The following NLN variants were observed in gnomAD, a reference collection of about 807,000 sequenced individuals.
The protein encoded by NLN is neurolysin, mitochondrial.
In NLN, 64 loss-of-function variants were observed where a neutral mutation model predicts 79.9. That is an observed-to-expected ratio of 0.80 (90% CI 0.65 to 0.99). The LOEUF is 0.99. NLN is among the 50% of genes least tolerant of loss of function. NLN has a pLI of 0.00. For missense variants in NLN, 835 were observed against 858.7 expected (o/e 0.97, Z 0.34); for synonymous variants, 267 against 296.6 (o/e 0.90, Z 1.02).
At chr5:65,740,485 G>A (rs966714747) in intron 1 of NLN, among the ~76,000 whole-genome samples, 3 of 152,108 alleles carry the variant, frequency 2.0e-5, no homozygotes, top group Non-Finnish European at 2.9e-5. Context: ...TTCAAAATGA[G>A]TTTCAAAGGG....
intron 8 of NLN, among the ~76,000 whole-genome samples, chr5:65,788,716 A>G (rs1424047879): frequency 3.3e-5 from 5 of 152,188 alleles, no homozygotes; most frequent in African/African-American, 1.2e-4. Context: ...TCATGCCTGT[A>G]GTCCCAGCAC....
At chr5:65,729,675 A>C (rs1304123719) in intron 1 of NLN, among the ~76,000 whole-genome samples, 1 of 152,148 alleles carries the variant, frequency 6.6e-6, no homozygotes, top group African/African-American at 2.4e-5. Context: ...TGCTCCGCCG[A>C]GGATTGATTT....
intron 1 of NLN, among the ~76,000 whole-genome samples, chr5:65,725,609 G>T (rs544482061): frequency 6.6e-6 from 1 of 152,164 alleles, no homozygotes; most frequent in South Asian, 2.1e-4. Context: ...TCAAGTATTG[G>T]GAAGCTGTCA....
intron 1 of NLN, among the ~76,000 whole-genome samples, chr5:65,724,933 CTGG>C (rs1758430058): frequency 6.6e-6 from 1 of 151,696 alleles, no homozygotes; most frequent in African/African-American, 2.4e-5. Context: ...TCCCAAGTAG[CTGG>C]GACTACAGGC....
At position 65,824,299 on chromosome 5, in the gene NLN, C is replaced by T. The variant is rs1273931403; in HGVS notation, c.*1384C>T. On this transcript the variant is annotated 3_prime_UTR_variant, in exon 13 of 13. Transcript: ENST00000380985. The stretch of plus-strand genomic sequence containing the variant: ...TGCTAAATAAAAAATTATTATACTA[C>T]ATAATAAAGTTACAGATAGCAGGAA... The T allele has an allele frequency of 6.6e-6, 1 of 152,120 alleles. No homozygotes were observed. Among genetic ancestry groups the T allele is most frequent in the African/African-American group, 2.4e-5 (1 of 41,418 alleles). 9.4% of individuals were successfully genotyped at this position (152,120 alleles called of 1,614,324 possible).
chr5:65,769,365 A>G (rs752480457), intron 3 of NLN, among the ~76,000 whole-genome samples: 1 of 152,240 alleles, frequency 6.6e-6, no homozygotes, highest in Non-Finnish European at 1.5e-5. Flanking sequence ...GTAGTCAATA[A>G]TGACTTAATT....
In NLN at chr5:65,824,480, T is replaced by C. The variant is rs569773857; in HGVS notation, c.*1565T>C. The C allele has an allele frequency of 6.6e-6, 1 of 152,136 alleles. No homozygotes were observed. Among genetic ancestry groups the C allele is most frequent in the Non-Finnish European group, 1.5e-5 (1 of 68,032 alleles). 9.4% of individuals were successfully genotyped at this position (152,136 alleles called of 1,614,324 possible). A position where few individuals can be genotyped will look rare whatever the true frequency, so the allele number is the denominator to read the frequency against. On this transcript the variant is annotated 3_prime_UTR_variant, in exon 13 of 13. Transcript: ENST00000380985. ...CACCCCCTTCTAATCCCCAAAACTG[T>C]TTTTGTGGTCTTTGTAGCCTATAGT... is the stretch of plus-strand genomic sequence containing the variant.
chr5:65,781,035 AC>A (rs1759789597), intron 5 of NLN, among the ~76,000 whole-genome samples: 1 of 152,192 alleles, frequency 6.6e-6, no homozygotes, highest in Non-Finnish European at 1.5e-5. Flanking sequence ...GCACAAGTTT[AC>A]TGAAACCTGT....
At chr5:65,750,066 G>T (rs975099358) in intron 1 of NLN, among the ~76,000 whole-genome samples, 2 of 152,164 alleles carry the variant, frequency 1.3e-5, no homozygotes, top group Non-Finnish European at 2.9e-5. Context: ...CCTAGTTTGC[G>T]AGTGGAAAGG....
In NLN at chr5:65,722,379, C is replaced by T. The variant is rs1263127920; in HGVS notation, c.6C>T (p.Ile2=). 3.2e-6 allele frequency: 5 copies of T among 1,584,380 alleles called. No homozygotes were observed. The highest frequency in any genetic ancestry group is 3.4e-6 in the Non-Finnish European group (4 of 1,167,664). ...GCCAGCCTCTCAGCGCTCCCATGAT[C>T]GCCCGGTGCCTTTTGGCTGTGCGAA... M[I]ARCLLAVRSL... Residue 2 remains isoleucine (I), a synonymous_variant, in exon 1 of 13, where the codon ATC becomes ATT. Coordinates refer to ENST00000380985, the MANE Select transcript of NLN (RefSeq NM_020726.5).
chr5:65,731,802 G>A (rs1247876058), intron 1 of NLN, among the ~76,000 whole-genome samples: 1 of 139,890 alleles, frequency 7.1e-6, no homozygotes, highest in Non-Finnish European at 1.5e-5. Context: ...CCAGGCTGGA[G>A]TATAGTGGAA....
At chr5:65,755,156 T>C (rs1189796266) in intron 1 of NLN, among the ~76,000 whole-genome samples, 1 of 152,014 alleles carries the variant, frequency 6.6e-6, no homozygotes, top group Non-Finnish European at 1.5e-5. Context: ...CCTATCTCTG[T>C]AGGGAGCTCA....
chr5:65,781,977 C>T (rs1457375122), intron 6 of NLN, among the ~76,000 whole-genome samples: 3 of 152,232 alleles, frequency 2.0e-5, no homozygotes, highest in Admixed American at 1.3e-4. Context: ...CCCCCACACC[C>T]TCCCCCAACA....
At chr5:65,746,935 C>T (rs1008724151) in intron 1 of NLN, among the ~76,000 whole-genome samples, 3 of 149,344 alleles carry the variant, frequency 2.0e-5, no homozygotes, top group Admixed American at 1.4e-4. Flanking sequence ...ACCCAAGAGG[C>T]GGAGCTTGCA....
intron 3 of NLN, among the ~76,000 whole-genome samples, chr5:65,776,395 A>G (rs1382512509): frequency 6.6e-6 from 1 of 152,268 alleles, no homozygotes; most frequent in Non-Finnish European, 1.5e-5. Context: ...TCTAGCACCA[A>G]CAATCTAAAA....
intron 1 of NLN, among the ~76,000 whole-genome samples, chr5:65,723,992 TAATA>T (rs1436585135): frequency 7.9e-5 from 12 of 151,972 alleles, no homozygotes; most frequent in Admixed American, 7.9e-4. Flanking sequence ...TTTACAAAAC[TAATA>T]AATAGGCTAG....
rs771804423 is a variant in NLN, at chr5:65,780,214, A to G, written c.594A>G (p.Leu198=). The change falls in exon 5 of 13, where the codon CTA becomes CTG. Residue 198 remains leucine (L), a synonymous_variant. Transcript: ENST00000380985. ...CAATGAAGAAAAGAATGAGTGAGCT[A>G]TGTATTGATTTTAACAAAAACCTCA... The part of the protein sequence containing the change: ...IKSMKKRMSE[L]CIDFNKNLNE... 1.2e-5 allele frequency: 17 copies of G among 1,430,930 alleles called. No individual in the cohort carries two copies. The highest frequency in any genetic ancestry group is 1.1e-4 in the Admixed American group (6 of 56,772). The allele number at this position is 1,430,930 out of a possible 1,614,324, so 88.6% of individuals were successfully genotyped here.
At chr5:65,740,399 A>G (rs1409970236) in intron 1 of NLN, among the ~76,000 whole-genome samples, 1 of 152,188 alleles carries the variant, frequency 6.6e-6, no homozygotes, top group African/African-American at 2.4e-5. Context: ...TAATCCACTT[A>G]TGAAGGCAAA....
chr5:65,725,188 T>A (rs1396815613), intron 1 of NLN, among the ~76,000 whole-genome samples: 2 of 152,228 alleles, frequency 1.3e-5, no homozygotes, highest in African/African-American at 2.4e-5. Flanking sequence ...CCTCTGCATT[T>A]AAGCTGCTGC....
Sources: allele counts gnomAD v4.1 joint callset (sites outside exome capture counted in the v4.1 genomes callset), GRCh38; gene constraint gnomAD v4.1.1; transcripts MANE v1.5; gene names NCBI Gene and HGNC (gene_info 2026-07-23, HGNC 2026-07-21).